Variants in MAP3K20 observed in about 807,000 individuals in gnomAD.
MAP3K20 encodes the protein HCCS-4.
MAP3K20 carries 40 observed loss-of-function variants against 85.7 expected under a neutral mutation model. That is an observed-to-expected ratio of 0.47 (90% CI 0.36 to 0.61). MAP3K20 has a LOEUF of 0.61. Among genes scored for constraint, MAP3K20 ranks in the 20% least tolerant of loss-of-function variants. The pLI, the probability that MAP3K20 is intolerant of heterozygous loss-of-function variation, is 0.00. For synonymous variants in MAP3K20, 325 were observed against 327.7 expected (o/e 0.99, Z 0.09); for missense variants, 817 against 961.7 (o/e 0.85, Z 1.99).
Position 173,261,047 on chromosome 2 carries a change from A to G in MAP3K20, c.1477-16A>G. 1.2e-6 allele frequency: 2 copies of G among 1,612,414 alleles called. No homozygotes were observed. The highest frequency in any genetic ancestry group is 1.7e-6 in the Non-Finnish European group (2 of 1,178,816). Reference sequence around the variant, plus strand: ...CTGTGTTATGGTACTACACCATCCTAACTTTTGTTTTTCAGCCACCATTTG... The same window carrying G: ...CTGTGTTATGGTACTACACCATCCTGACTTTTGTTTTTCAGCCACCATTTG... On this transcript the variant is annotated splice_polypyrimidine_tract_variant and intron_variant, in intron 17 of 19. Transcript: ENST00000375213.
intron 16 of MAP3K20, among the ~76,000 whole-genome samples, chr2:173,252,562 T>C (rs1558911272): frequency 6.6e-6 from 1 of 152,226 alleles, no homozygotes; most frequent in Non-Finnish European, 1.5e-5. Context: ...TTGTTTCCTG[T>C]AGATTTGCAT....
At chr2:173,240,940 A>G (rs1684765462) in intron 16 of MAP3K20, among the ~76,000 whole-genome samples, 1 of 152,218 alleles carries the variant, frequency 6.6e-6, no homozygotes, top group Non-Finnish European at 1.5e-5. Flanking sequence ...TCCCAAACAG[A>G]ATGAAATCTT....
intron 2 of MAP3K20, among the ~76,000 whole-genome samples, chr2:173,102,451 A>G (rs537179326): frequency 6.6e-6 from 1 of 152,354 alleles, no homozygotes; most frequent in East Asian, 1.9e-4. Context: ...AAAGGAATCC[A>G]AGATGCTTTT....
chr2:173,175,712 T>A (rs1690133856), intron 3 of MAP3K20, among the ~76,000 whole-genome samples: 1 of 152,194 alleles, frequency 6.6e-6, no homozygotes. Context: ...GCCATTGTTG[T>A]TTTTACTGTT....
At chr2:173,258,653 A>C (rs778974271) in intron 16 of MAP3K20, 46 bp from the exon 17 acceptor site, 1 of 1,198,034 alleles carries the variant, frequency 8.3e-7, no homozygotes, top group African/African-American at 1.5e-5. Context: ...CTAAAAAAAA[A>C]ATTGTTTCAC....
chr2:173,190,024 A>G (rs1690601514), intron 5 of MAP3K20, among the ~76,000 whole-genome samples: 1 of 152,094 alleles, frequency 6.6e-6, no homozygotes, highest in South Asian at 2.1e-4. Context: ...CCCTCCACAT[A>G]AAATTGTTCA....
intron 2 of MAP3K20, among the ~76,000 whole-genome samples, chr2:173,136,647 T>G (rs781165592): frequency 3.9e-5 from 6 of 152,118 alleles, no homozygotes; most frequent in Non-Finnish European, 7.4e-5. Context: ...CTGAGGAACA[T>G]GAAAGAGAAC....
intron 14 of MAP3K20, among the ~76,000 whole-genome samples, chr2:173,235,573 G>A (rs78397023): frequency 0.018 from 2,682 of 152,260 alleles, 38 homozygotes; most frequent in Non-Finnish European, 0.028. Flanking sequence ...AGCTGCTAGG[G>A]GGAGGAGGCA....
intron 2 of MAP3K20, among the ~76,000 whole-genome samples, chr2:173,164,444 T>G (rs542382195): frequency 1.5e-3 from 235 of 152,342 alleles, no homozygotes; most frequent in African/African-American, 5.4e-3. Context: ...TTATAGATTC[T>G]GGACATTAGA....
chr2:173,242,194 A>C (rs1370948341), intron 16 of MAP3K20, among the ~76,000 whole-genome samples: 23 of 143,752 alleles, frequency 1.6e-4, no homozygotes, highest in Admixed American at 1.6e-3. Flanking sequence ...TTTTTTTTTG[A>C]GACGGAGTTT....
chr2:173,212,821 A>C (rs1442732053), intron 10 of MAP3K20: 1 of 151,724 alleles, frequency 6.6e-6, no homozygotes, highest in African/African-American at 2.4e-5. Flanking sequence ...AAAAAAGAAA[A>C]GAAATGAGAA....
chr2:173,185,248 T>C (rs995176881), intron 4 of MAP3K20, among the ~76,000 whole-genome samples: 1 of 151,588 alleles, frequency 6.6e-6, no homozygotes, highest in East Asian at 1.9e-4. Context: ...CTCAAAAAAA[T>C]AAAAAAAGGG....
intron 2 of MAP3K20, among the ~76,000 whole-genome samples, chr2:173,125,463 T>A (rs1688413575): frequency 6.6e-6 from 1 of 152,056 alleles, no homozygotes; most frequent in Non-Finnish European, 1.5e-5. Context: ...CTTAGCAGTC[T>A]CCACCTCACA....
At chr2:173,136,931 A>C (rs969747108) in intron 2 of MAP3K20, among the ~76,000 whole-genome samples, 1 of 152,208 alleles carries the variant, frequency 6.6e-6, no homozygotes, top group Non-Finnish European at 1.5e-5. Flanking sequence ...TAGGACCACT[A>C]TACCTGGTTT....
chr2:173,179,862 T>A (rs977324122), intron 3 of MAP3K20, among the ~76,000 whole-genome samples: 1 of 151,738 alleles, frequency 6.6e-6, no homozygotes, highest in Non-Finnish European at 1.5e-5. Flanking sequence ...TAAGAAAGAA[T>A]TCCATTTACA....
In MAP3K20 at chr2:173,226,886, A is replaced by G. The variant is rs145500929; in HGVS notation, c.988-2803A>G. 174 of 984,918 alleles carry G rather than the reference A, an allele frequency of 1.8e-4. No individual in the cohort carries two copies. The African/African-American group carries it at 2.8e-3, about 16-fold the overall frequency. The allele number at this position is 984,918 out of a possible 1,614,324, so 61.0% of individuals were successfully genotyped here. On this transcript the variant is annotated intron_variant, in intron 11 of 19. Transcript: ENST00000375213. ...TTTTTTTAACAAAAACTTTTTCTCA[A>G]TTATTCTATTGCAATGTTATTCTGA...
intron 2 of MAP3K20, among the ~76,000 whole-genome samples, chr2:173,147,087 A>G (rs1689159276): frequency 1.3e-5 from 2 of 152,202 alleles, no homozygotes; most frequent in South Asian, 2.1e-4. Flanking sequence ...GAATTTGTAT[A>G]TATTCCACAT....
intron 14 of MAP3K20, among the ~76,000 whole-genome samples, chr2:173,237,728 G>A (rs1013694349): frequency 5.9e-5 from 9 of 152,196 alleles, no homozygotes; most frequent in Admixed American, 2.0e-4. Context: ...CTTCCTGAAA[G>A]TCTGGTGTTA....
At chr2:173,263,565 A>G (rs541048207) in intron 18 of MAP3K20, among the ~76,000 whole-genome samples, 180 bp from the exon 19 acceptor site, 1 of 152,344 alleles carries the variant, frequency 6.6e-6, no homozygotes, top group South Asian at 2.1e-4. Flanking sequence ...TTGAATTAGC[A>G]TATTTGGGCC....
Sources: gnomAD v4.1 joint callset for allele counts (sites outside exome capture counted in the v4.1 genomes callset) on GRCh38, gnomAD v4.1.1 for gene constraint, MANE v1.5 for transcripts, NCBI Gene and HGNC (gene_info 2026-07-23, HGNC 2026-07-21) for gene names.